EPB41: variants seen among roughly 807,000 people sequenced by gnomAD.
EPB41 encodes erythrocyte membrane protein band 4.1.
Under a neutral mutation model 108.0 loss-of-function variants are expected in EPB41, and 65 were observed. That is an observed-to-expected ratio of 0.60 (90% CI 0.49 to 0.74). The LOEUF (loss-of-function observed/expected upper bound fraction) is 0.74. EPB41 is among the 30% of genes least tolerant of loss of function. The probability of loss-of-function intolerance (pLI) is 0.00; values close to 1 mark genes in which losing one functional copy is unlikely to be tolerated. For synonymous variants in EPB41, 336 were observed against 358.9 expected (o/e 0.94, Z 0.72); for missense variants, 875 against 1,037.0 (o/e 0.84, Z 2.15).
At chr1:29,104,445 C>T (rs1666454574) in intron 17 of EPB41, among the ~76,000 whole-genome samples, 2 of 152,136 alleles carry the variant, frequency 1.3e-5, no homozygotes, top group South Asian at 4.1e-4. Context: ...GACAGGGTCT[C>T]GCACTGTTGC....
intron 2 of EPB41, among the ~76,000 whole-genome samples, chr1:28,988,344 T>A (rs1205392464): frequency 2.0e-5 from 3 of 152,158 alleles, no homozygotes; most frequent in Non-Finnish European, 4.4e-5. Context: ...AGTAGCATCA[T>A]AAAGCTTTAT....
chr1:29,039,073 GT>G (rs1309588279), intron 10 of EPB41, among the ~76,000 whole-genome samples, 180 bp from the exon 11 acceptor site: 3 of 152,248 alleles, frequency 2.0e-5, no homozygotes, highest in African/African-American at 4.8e-5. Flanking sequence ...GTCCCAACTG[GT>G]TGCTTTGAGA....
In EPB41 at chr1:28,887,690, G is replaced by C; in HGVS notation, c.-8+480G>C. The C allele has an allele frequency of 3.0e-6, 3 of 985,166 alleles. No homozygotes were observed. Among genetic ancestry groups the C allele is most frequent in the Non-Finnish European group, 3.6e-6 (3 of 829,750 alleles). 61.0% of individuals were successfully genotyped at this position (985,166 alleles called of 1,614,324 possible). A position where few individuals can be genotyped will look rare whatever the true frequency, so the allele number is the denominator to read the frequency against. On this transcript the variant is annotated intron_variant, in intron 1 of 16. Transcript: ENST00000347529. The surrounding 1 kb of genome is among the most constrained non-coding windows in gnomAD (Gnocchi z 4.9). ...GGCCTGGAGCCCCGCGCCCCGCTCC[G>C]GCCCTTACGTAACTGACTTTGAGTT...
chr1:29,082,416 G>A (rs1383226658), intron 16 of EPB41, among the ~76,000 whole-genome samples: 1 of 152,166 alleles, frequency 6.6e-6, no homozygotes, highest in Non-Finnish European at 1.5e-5. Flanking sequence ...GAGCCACTGG[G>A]CCTAACCTCA....
intron 2 of EPB41, among the ~76,000 whole-genome samples, chr1:28,988,893 G>A (rs1260281985): frequency 1.3e-5 from 2 of 152,014 alleles, no homozygotes; most frequent in Non-Finnish European, 2.9e-5. Flanking sequence ...GAAAAAAAAA[G>A]TATCAAATCA....
intron 1 of EPB41, among the ~76,000 whole-genome samples, chr1:28,935,354 G>C (rs148383063): frequency 1.2e-4 from 18 of 147,914 alleles, no homozygotes; most frequent in African/African-American, 4.5e-4. Context: ...AGAATTGCTT[G>C]AGCCTGAGAG....
Position 29,033,148 on chromosome 1 carries a change from A to G in EPB41, c.1268A>G (p.Tyr423Cys). 1 of 1,613,986 alleles carries G rather than the reference A, an allele frequency of 6.2e-7. No homozygotes were observed. Among genetic ancestry groups the G allele is most frequent in the Non-Finnish European group, 8.5e-7 (1 of 1,179,908 alleles). ...LGVCSSGLLVYKDKLRINRFP... is the reference protein window; with the variant it reads ...LGVCSSGLLVCKDKLRINRFP... ...GTCTGCTCTAGTGGCCTTCTGGTTT[A>G]CAAAGATAAGCTGAGAATTAACCGC... is the stretch of plus-strand genomic sequence containing the variant. Residue 423 changes from tyrosine to cysteine, a missense_variant, in exon 9 of 21, where the codon TAC becomes TGC. Tyr to Cys is a radical substitution (Grantham distance 194). Coordinates refer to ENST00000343067, the MANE Select transcript of EPB41 (RefSeq NM_001376013.1).
At chr1:28,940,011 A>G (rs1368435129) in intron 1 of EPB41, among the ~76,000 whole-genome samples, 1 of 152,156 alleles carries the variant, frequency 6.6e-6, no homozygotes, top group Non-Finnish European at 1.5e-5. Context: ...AGGATCCAGT[A>G]TGGCCTTGCT....
chr1:29,048,283 C>T (rs373734700), intron 11 of EPB41, among the ~76,000 whole-genome samples: 2 of 151,904 alleles, frequency 1.3e-5, no homozygotes, highest in Admixed American at 1.3e-4. Context: ...GGCGTGATCT[C>T]GGCTCACCGC....
intron 1 of EPB41, among the ~76,000 whole-genome samples, chr1:28,963,070 G>A (rs2149173019): frequency 6.6e-6 from 1 of 152,050 alleles, no homozygotes; most frequent in East Asian, 1.9e-4. Flanking sequence ...AGTCTTAATT[G>A]AACTAAATTG....
At chr1:29,058,491 C>G in intron 12 of EPB41, 98 bp from the exon 13 acceptor site, 1 of 1,115,458 alleles carries the variant, frequency 9.0e-7, no homozygotes, top group Non-Finnish European at 1.3e-6. Context: ...CAGCGTATTT[C>G]ACAACCAGCT....
At chr1:28,979,468 T>TA (rs1206698192) in intron 1 of EPB41, among the ~76,000 whole-genome samples, 1 of 151,448 alleles carries the variant, frequency 6.6e-6, no homozygotes, top group African/African-American at 2.4e-5. Context: ...TACTTGCCTT[T>TA]AAAAAACACC....
At chr1:29,061,464 T>G (rs2150951393) in intron 15 of EPB41, among the ~76,000 whole-genome samples, 1 of 151,966 alleles carries the variant, frequency 6.6e-6, no homozygotes, top group South Asian at 2.1e-4. Flanking sequence ...AGAGACGGGG[T>G]TTCACTGTGT....
chr1:28,919,800 T>G (rs2092946189), intron 1 of EPB41, among the ~76,000 whole-genome samples: 1 of 152,172 alleles, frequency 6.6e-6, no homozygotes, highest in African/African-American at 2.4e-5. Flanking sequence ...TCTGGCGTCA[T>G]GCTTTTAAAT....
intron 1 of EPB41, among the ~76,000 whole-genome samples, chr1:28,906,144 A>G (rs1354258122): frequency 6.6e-6 from 1 of 152,050 alleles, no homozygotes; most frequent in East Asian, 1.9e-4. Context: ...CTTCCCCACT[A>G]AAGTGCTCCC....
At chr1:29,048,132 C>G (rs1405318521) in intron 11 of EPB41, among the ~76,000 whole-genome samples, 1 of 151,886 alleles carries the variant, frequency 6.6e-6, no homozygotes, top group Non-Finnish European at 1.5e-5. Context: ...AAGTAATTGT[C>G]TTAAGTTTTT....
At chr1:29,054,683 C>T (rs1184212258) in intron 12 of EPB41, among the ~76,000 whole-genome samples, 2 of 151,870 alleles carry the variant, frequency 1.3e-5, no homozygotes, top group Non-Finnish European at 2.9e-5. Flanking sequence ...AACCCCATGT[C>T]TACAAAAAAT....
chr1:28,947,175 T>C (rs1372421451), intron 1 of EPB41, among the ~76,000 whole-genome samples: 1 of 152,280 alleles, frequency 6.6e-6, no homozygotes, highest in East Asian at 1.9e-4. Flanking sequence ...CCCAGCACTT[T>C]AGGAAGCCAA....
intron 1 of EPB41, among the ~76,000 whole-genome samples, chr1:28,955,491 G>A (rs2094910066): frequency 6.6e-6 from 1 of 151,944 alleles, no homozygotes; most frequent in African/African-American, 2.4e-5. Context: ...ACAGGTGCAC[G>A]CCAACATGCC....
Sources: allele counts gnomAD v4.1 joint callset (sites outside exome capture counted in the v4.1 genomes callset), GRCh38; gene constraint gnomAD v4.1.1; non-coding constraint Gnocchi (gnomAD v3.1); transcripts MANE v1.5; gene names NCBI Gene and HGNC (gene_info 2026-07-23, HGNC 2026-07-21).